Variants in MAD1L1 observed in about 807,000 individuals in gnomAD.
MAD1L1 encodes mitotic spindle assembly checkpoint protein MAD1.
In MAD1L1, 95 loss-of-function variants were observed where a neutral mutation model predicts 96.9. That is an observed-to-expected ratio of 0.98 (90% CI 0.83 to 1.16). The LOEUF (loss-of-function observed/expected upper bound fraction) is 1.16. Ranked by LOEUF, MAD1L1 falls within the 50% of genes most tolerant of loss-of-function variation. The pLI is 0.00. For missense variants in MAD1L1, 1,007 were observed against 954.4 expected, an observed-to-expected ratio of 1.06 and a Z score of -0.73; for synonymous variants, 473 against 396.6, an observed-to-expected ratio of 1.19 and a Z score of -2.29.
At chr7:1,910,305 TG>T (rs1318879020) in intron 17 of MAD1L1, among the ~76,000 whole-genome samples, 1 of 152,076 alleles carries the variant, frequency 6.6e-6, no homozygotes, top group Non-Finnish European at 1.5e-5. Context: ...CCTGCATATG[TG>T]GGGGGACGTG....
chr7:2,188,811 A>C (rs753669801), intron 10 of MAD1L1, among the ~76,000 whole-genome samples: 1 of 152,200 alleles, frequency 6.6e-6, no homozygotes, highest in African/African-American at 2.4e-5. Context: ...CACAGATAAC[A>C]GCAAAAAAAA....
At chr7:1,830,135 G>A (rs191306949) in intron 18 of MAD1L1, among the ~76,000 whole-genome samples, 54 of 152,322 alleles carry the variant, frequency 3.5e-4, no homozygotes, top group Admixed American at 5.2e-4. Context: ...GGTGGCTCAC[G>A]CCTGTAATCC....
chr7:1,868,736 C>T (rs1335026979), intron 18 of MAD1L1, among the ~76,000 whole-genome samples: 1 of 152,202 alleles, frequency 6.6e-6, no homozygotes, highest in Non-Finnish European at 1.5e-5. Context: ...GGGGATGCGG[C>T]TCAGCACCAA....
At position 2,017,592 on chromosome 7, in the gene MAD1L1, C is replaced by T. The variant is rs577244365; in HGVS notation, c.1219-2950G>A. ...AGGGAGGCTGCAGGAAGGATCTGGG[C>T]GCCCTGGGAGGCAGCGGTGGGGAAG... On this transcript the variant is annotated intron_variant, in intron 12 of 18. Transcript: ENST00000265854. 1.6e-4 allele frequency among the ~76,000 whole-genome samples: 24 copies of T among 152,272 alleles called. 1 individual carries two copies. The highest frequency in any genetic ancestry group is 3.4e-4 in the African/African-American group (14 of 41,552).
At chr7:2,132,208 T>G (rs1356739627) in intron 11 of MAD1L1, among the ~76,000 whole-genome samples, 2 of 152,172 alleles carry the variant, frequency 1.3e-5, no homozygotes, top group Admixed American at 6.5e-5. Context: ...TGAGGAGAAA[T>G]GAGAGTTCTC....
intron 15 of MAD1L1, among the ~76,000 whole-genome samples, chr7:1,970,584 T>G (rs1484376242): frequency 1.3e-5 from 2 of 152,188 alleles, no homozygotes; most frequent in Non-Finnish European, 2.9e-5. Context: ...TCTGCCGGCC[T>G]TGGTCTTTCA....
At chr7:1,917,052 T>C (rs1008429615) in intron 17 of MAD1L1, among the ~76,000 whole-genome samples, 14 of 152,194 alleles carry the variant, frequency 9.2e-5, no homozygotes, top group African/African-American at 3.1e-4. Context: ...GTTTTCCTCC[T>C]GCTTTTCCAG....
chr7:2,164,620 G>A (rs1246087484), intron 10 of MAD1L1, among the ~76,000 whole-genome samples: 10 of 148,846 alleles, frequency 6.7e-5, no homozygotes, highest in Non-Finnish European at 1.5e-5. Flanking sequence ...GCGGGTGGTA[G>A]AGGAAAAATA....
rs1782624727 is a variant in MAD1L1 at position 2,018,108 on chromosome 7, C to G, written c.1219-3466G>C. Among the ~76,000 whole-genome samples, 3 of 152,186 alleles carry G rather than the reference C, an allele frequency of 2.0e-5. No homozygotes were observed. The South Asian group carries it at 6.2e-4, about 31-fold the overall frequency. ...GGGCAGAGACCGGCCCCGTGGCCCCCAAGCAGCGGTCACTTGAGGTGTGCA... is the reference window on the plus strand; with the variant it reads ...GGGCAGAGACCGGCCCCGTGGCCCCGAAGCAGCGGTCACTTGAGGTGTGCA... On this transcript the variant is annotated intron_variant, in intron 12 of 18. Transcript: ENST00000265854.
At chr7:1,884,519 C>T (rs1785889750) in intron 18 of MAD1L1, among the ~76,000 whole-genome samples, 1 of 152,236 alleles carries the variant, frequency 6.6e-6, no homozygotes, top group Non-Finnish European at 1.5e-5. Flanking sequence ...GGCCGTCCTG[C>T]TGACCTTCCC....
At chr7:1,896,238 G>T (rs1286560306) in intron 18 of MAD1L1, among the ~76,000 whole-genome samples, 1 of 152,240 alleles carries the variant, frequency 6.6e-6, no homozygotes, top group Non-Finnish European at 1.5e-5. Context: ...CAGGCCATGG[G>T]GGCTGAAAGT....
Position 2,114,571 on chromosome 7 carries a change from G to C in MAD1L1, c.1073+34581C>G, listed in dbSNP as rs531394807. On this transcript the variant is annotated intron_variant, in intron 11 of 18. Transcript: ENST00000265854. This position sits in a 1 kb window ranked among gnomAD's most constrained non-coding sequence, Gnocchi z 4.2. The stretch of plus-strand genomic sequence containing the variant: ...CACGTGGCAGAAGGATCTTCATGAA[G>C]ATGAGCATGGCTACGACTTGAACGG... Among the ~76,000 whole-genome samples, 9 of 152,396 alleles carry C rather than the reference G, an allele frequency of 5.9e-5. No individual in the cohort carries two copies. The South Asian group carries it at 1.7e-3, about 28-fold the overall frequency.
At chr7:2,184,235 G>T (rs1396338222) in intron 10 of MAD1L1, among the ~76,000 whole-genome samples, 1 of 151,842 alleles carries the variant, frequency 6.6e-6, no homozygotes, top group African/African-American at 2.4e-5. Flanking sequence ...CTGGGCAACA[G>T]AGCGAGACTC....
intron 18 of MAD1L1, among the ~76,000 whole-genome samples, chr7:1,844,639 C>T (rs780966687): frequency 2.3e-4 from 35 of 152,158 alleles, no homozygotes; most frequent in Admixed American, 3.9e-4. Context: ...TGACCATCCC[C>T]CCAAAGCTGG....
chr7:2,108,858 G>A (rs368539956), intron 11 of MAD1L1, among the ~76,000 whole-genome samples: 41 of 152,336 alleles, frequency 2.7e-4, no homozygotes, highest in African/African-American at 9.1e-4. Context: ...TCCAGGAGCC[G>A]GCCCGATCCA....
intron 14 of MAD1L1, among the ~76,000 whole-genome samples, chr7:1,990,070 G>C (rs1178496199): frequency 1.3e-5 from 2 of 152,226 alleles, no homozygotes; most frequent in Non-Finnish European, 2.9e-5. Context: ...TAATTAACGA[G>C]GCTGCCGCTG....
At chr7:2,147,641 G>A (rs974517954) in intron 11 of MAD1L1, among the ~76,000 whole-genome samples, 6 of 152,204 alleles carry the variant, frequency 3.9e-5, no homozygotes, top group South Asian at 2.1e-4. Context: ...CCCAGGGCGG[G>A]TGCCCCAGCT....
At chr7:1,828,480 C>T (rs7781241) in intron 18 of MAD1L1, among the ~76,000 whole-genome samples, 1 of 151,856 alleles carries the variant, frequency 6.6e-6, no homozygotes, top group Non-Finnish European at 1.5e-5. Context: ...CTGGGCTGGA[C>T]CAGTGCCTGT....
intron 12 of MAD1L1, among the ~76,000 whole-genome samples, chr7:2,022,595 A>T (rs778683916): frequency 2.6e-5 from 4 of 152,232 alleles, no homozygotes; most frequent in Non-Finnish European, 5.9e-5. Context: ...TAAAAAATTA[A>T]ATCATATAAC....
Sources: allele counts gnomAD v4.1 joint callset (sites outside exome capture counted in the v4.1 genomes callset), GRCh38; gene constraint gnomAD v4.1.1; non-coding constraint Gnocchi (gnomAD v3.1); transcripts MANE v1.5; gene names NCBI Gene and HGNC (gene_info 2026-07-23, HGNC 2026-07-21).